DOCK4: variants seen among roughly 807,000 people sequenced by gnomAD.
DOCK4 encodes dedicator of cytokinesis protein 4.
DOCK4 carries 97 observed loss-of-function variants against 268.1 expected under a neutral mutation model. That is an observed-to-expected ratio of 0.36 (90% CI 0.31 to 0.43). The LOEUF (loss-of-function observed/expected upper bound fraction) is 0.43. Ranked by LOEUF, DOCK4 falls within the 20% of genes least tolerant of loss-of-function variation. The pLI is 1.00. For missense variants in DOCK4, 2,145 were observed against 2,455.7 expected, an observed-to-expected ratio of 0.87 and a Z score of 2.67; for synonymous variants, 954 against 887.2, an observed-to-expected ratio of 1.08 and a Z score of -1.34.
At chr7:111,964,301 CTT>C (rs1225153599) in intron 8 of DOCK4, among the ~76,000 whole-genome samples, 1 of 95,876 alleles carries the variant, frequency 1.0e-5, no homozygotes, top group Non-Finnish European at 1.9e-5. Context: ...AAGTTGAAAA[CTT>C]TGAAAAAAAT....
intron 32 of DOCK4, among the ~76,000 whole-genome samples, chr7:111,785,190 T>C (rs1488228939): frequency 6.6e-6 from 1 of 152,192 alleles, no homozygotes; most frequent in African/African-American, 2.4e-5. Context: ...AAACTGCATA[T>C]GGAAGGGATG....
intron 5 of DOCK4, among the ~76,000 whole-genome samples, chr7:111,990,352 G>T (rs879183915): frequency 1.3e-5 from 2 of 152,090 alleles, no homozygotes; most frequent in Admixed American, 1.3e-4. Flanking sequence ...CAGCAGCTAT[G>T]CTTTTACTTT....
chr7:111,936,747 C>T (rs1354444770), intron 11 of DOCK4, among the ~76,000 whole-genome samples: 1 of 152,188 alleles, frequency 6.6e-6, no homozygotes, highest in Admixed American at 6.5e-5. Context: ...AAATCTCCCA[C>T]AGCGCAGGTT....
chr7:111,942,683 T>G (rs1795303719), intron 10 of DOCK4, among the ~76,000 whole-genome samples: 1 of 151,958 alleles, frequency 6.6e-6, no homozygotes, highest in East Asian at 1.9e-4. Context: ...TTTCTAACCA[T>G]CCTTCCTGCC....
chr7:111,736,662 T>C (rs1228780317), intron 50 of DOCK4, among the ~76,000 whole-genome samples: 1 of 152,224 alleles, frequency 6.6e-6, no homozygotes, highest in Non-Finnish European at 1.5e-5. Context: ...GGTGACTCAC[T>C]GGATGATAAC....
intron 25 of DOCK4, among the ~76,000 whole-genome samples, chr7:111,842,517 CCTCAT>C: frequency 6.6e-6 from 1 of 152,298 alleles, no homozygotes; most frequent in South Asian, 2.1e-4. Context: ...AGACTTCCAC[CCTCAT>C]GAGGATGTAG....
chr7:111,887,972 G>T (rs1463152204), intron 16 of DOCK4, among the ~76,000 whole-genome samples: 2 of 151,962 alleles, frequency 1.3e-5, no homozygotes, highest in African/African-American at 4.8e-5. Flanking sequence ...AGGAAAGGAA[G>T]GATGCAGATA....
intron 1 of DOCK4, among the ~76,000 whole-genome samples, chr7:112,082,903 C>A (rs900924202): frequency 2.6e-5 from 4 of 152,006 alleles, no homozygotes; most frequent in Non-Finnish European, 1.5e-5. Context: ...ATTAAAGTAT[C>A]ATTTATTCTA....
At chr7:111,947,019 C>T (rs1795674597) in intron 8 of DOCK4, among the ~76,000 whole-genome samples, 1 of 152,168 alleles carries the variant, frequency 6.6e-6, no homozygotes, top group African/African-American at 2.4e-5. Flanking sequence ...ATCCTGGTAT[C>T]AATGACAGAA....
At chr7:112,200,485 T>C (rs543147120) in intron 1 of DOCK4, among the ~76,000 whole-genome samples, 43 of 152,104 alleles carry the variant, frequency 2.8e-4, no homozygotes, top group African/African-American at 9.4e-4. Context: ...AAGTAAAACA[T>C]TGTATTACTG....
rs1416784698 is a variant in DOCK4 at position 111,767,257 on chromosome 7, TCA to T, written c.3829-141_3829-140del. 3.0e-5 allele frequency: 19 copies of T among 640,620 alleles called. No homozygotes were observed. The African/African-American group carries it at 3.7e-4, about 12-fold the overall frequency. The allele number at this position is 640,620 out of a possible 1,614,324, so 39.7% of individuals were successfully genotyped here. A position where few individuals can be genotyped will look rare whatever the true frequency, so the allele number is the denominator to read the frequency against. On this transcript the variant is annotated intron_variant, in intron 37 of 52. Transcript: ENST00000428084. The stretch of plus-strand genomic sequence containing the variant: ...TTTTTTTTTTTTTTGAGATGGAGTC[TCA>T]CTCTGTCACCAGGCTGGAGCGCAGT...
At chr7:111,741,245 C>T (rs1795896448) in intron 46 of DOCK4, 31 bp from the exon 47 acceptor site, 4 of 1,611,532 alleles carry the variant, frequency 2.5e-6, no homozygotes, top group South Asian at 2.2e-5. Context: ...AGGTCATTAA[C>T]TCAGTCTCCA....
chr7:112,204,417 G>A (rs533597297), intron 1 of DOCK4, among the ~76,000 whole-genome samples: 26 of 152,148 alleles, frequency 1.7e-4, no homozygotes, highest in Non-Finnish European at 3.5e-4. Context: ...CGATGCCCTC[G>A]GGTCCCTCAC....
At chr7:111,945,573 C>T in intron 9 of DOCK4, 144 bp downstream of exon 9, 1 of 661,640 alleles carries the variant, frequency 1.5e-6, no homozygotes, top group South Asian at 2.0e-5. Context: ...ATTCAGAATT[C>T]TGGGCACTAA....
chr7:111,979,479 A>ATTTTT (rs10629057), intron 7 of DOCK4, among the ~76,000 whole-genome samples: 3 of 147,242 alleles, frequency 2.0e-5, no homozygotes, highest in Non-Finnish European at 4.5e-5. Flanking sequence ...TGCTTTAACA[A>ATTTTT]TTTTTTTTTT....
intron 36 of DOCK4, among the ~76,000 whole-genome samples, chr7:111,771,538 C>T (rs1798125926): frequency 1.3e-5 from 2 of 152,188 alleles, no homozygotes; most frequent in African/African-American, 2.4e-5. Context: ...ATCACCATAA[C>T]ATAGGTAGCC....
At chr7:111,755,195 C>T (rs377186659) in intron 42 of DOCK4, among the ~76,000 whole-genome samples, 1 of 152,130 alleles carries the variant, frequency 6.6e-6, no homozygotes, top group African/African-American at 2.4e-5. Flanking sequence ...TGGTATGATA[C>T]ACTAAGCACT....
intron 1 of DOCK4, among the ~76,000 whole-genome samples, chr7:112,101,721 G>A (rs259311): frequency 0.32 from 48,242 of 152,010 alleles, 8,202 homozygotes; most frequent in Non-Finnish European, 0.38. Context: ...TCTGTAGTTC[G>A]TTCTTGAACT....
intron 9 of DOCK4, 98 bp from the exon 10 acceptor site, chr7:111,944,969 A>G (rs1279601868): frequency 4.4e-6 from 4 of 915,208 alleles, no homozygotes; most frequent in Non-Finnish European, 3.6e-6. Flanking sequence ...AGAGATGGAC[A>G]CAGACATTCT....
Sources: gnomAD v4.1 joint callset for allele counts (sites outside exome capture counted in the v4.1 genomes callset) on GRCh38, gnomAD v4.1.1 for gene constraint, MANE v1.5 for transcripts, NCBI Gene and HGNC (gene_info 2026-07-23, HGNC 2026-07-21) for gene names.